ZNF609: variants seen among roughly 807,000 people sequenced by gnomAD.
The protein encoded by ZNF609 is zinc finger protein 609.
ZNF609 carries 11 observed loss-of-function variants against 109.5 expected under a neutral mutation model. That is an observed-to-expected ratio of 0.10 (90% CI 0.06 to 0.17). The LOEUF (loss-of-function observed/expected upper bound fraction) is 0.17, where lower values mean the gene tolerates loss of function less well. Ranked by LOEUF, ZNF609 falls within the 10% of genes least tolerant of loss-of-function variation. The pLI, the probability that ZNF609 is intolerant of heterozygous loss-of-function variation, is 1.00. For missense variants in ZNF609, 1,559 were observed against 1,772.4 expected, an observed-to-expected ratio of 0.88 and a Z score of 2.16; for synonymous variants, 646 against 662.0, an observed-to-expected ratio of 0.98 and a Z score of 0.37.
chr15:64,550,543 A>G (rs553935137), intron 2 of ZNF609, among the ~76,000 whole-genome samples: 1 of 144,726 alleles, frequency 6.9e-6, no homozygotes, highest in Non-Finnish European at 1.5e-5. Context: ...ATAAATAATT[A>G]AAAAAAAAAA....
chr15:64,681,204 CTGAG>C (rs1230597797), intron 8 of ZNF609, 101 bp from the exon 9 acceptor site: 6 of 971,244 alleles, frequency 6.2e-6, no homozygotes, highest in Admixed American at 6.0e-5. Context: ...ATATATCTGG[CTGAG>C]TATCAGATTT....
At chr15:64,633,840 C>T (rs907305362) in intron 3 of ZNF609, among the ~76,000 whole-genome samples, 6 of 151,498 alleles carry the variant, frequency 4.0e-5, no homozygotes, top group African/African-American at 1.5e-4. Flanking sequence ...GAGATAGTGC[C>T]ACTGCGCTCC....
intron 1 of ZNF609, among the ~76,000 whole-genome samples, chr15:64,466,638 A>G (rs921200258): frequency 1.2e-4 from 19 of 152,360 alleles, no homozygotes; most frequent in Admixed American, 3.3e-4. Context: ...GTGGAAGTCT[A>G]GCGACAGCAG....
chr15:64,536,330 G>A (rs896991076), intron 2 of ZNF609, among the ~76,000 whole-genome samples: 18 of 152,120 alleles, frequency 1.2e-4, no homozygotes, highest in African/African-American at 4.3e-4. Flanking sequence ...CCTATGGCAT[G>A]ATTTTAGAAG....
In ZNF609 at chr15:64,499,973, T is replaced by G. The variant is rs764206103; in HGVS notation, c.554T>G (p.Val185Gly). ...VGTCSEKDPG[V>G]LQPVPLGGRG... is the part of the protein sequence containing the mutation. ...ACTTGTTCAGAAAAGGATCCTGGGGTCCTCCAGCCAGTTCCCTTGGGAGGA... is the reference window on the plus strand; with the variant it reads ...ACTTGTTCAGAAAAGGATCCTGGGGGCCTCCAGCCAGTTCCCTTGGGAGGA... Residue 185 changes from valine (V) to glycine (G), a missense_variant, in exon 2 of 10, where the codon GTC becomes GGC. Transcript: ENST00000326648. The G allele has an allele frequency of 6.2e-7, 1 of 1,613,368 alleles. No individual in the cohort carries two copies. The highest frequency in any genetic ancestry group is 8.5e-7 in the Non-Finnish European group (1 of 1,179,824).
At chr15:64,640,392 GCTTT>G (rs1472823089) in intron 3 of ZNF609, among the ~76,000 whole-genome samples, 6 of 151,102 alleles carry the variant, frequency 4.0e-5, no homozygotes, top group Admixed American at 2.0e-4. Flanking sequence ...ATACACTTGT[GCTTT>G]CTTTTTTTTT....
chr15:64,543,196 T>C (rs1005757893), intron 2 of ZNF609, among the ~76,000 whole-genome samples: 1 of 151,416 alleles, frequency 6.6e-6, no homozygotes, highest in African/African-American at 2.4e-5. Flanking sequence ...AATTCCAGTC[T>C]CTTAATTTTA....
At position 64,604,605 on chromosome 15, in the gene ZNF609, A is replaced by G. The variant is rs993592499; in HGVS notation, c.748-18222A>G. ...CAGTGACTAAATAAAATGTATGCAT[A>G]TAAATTTGTGGGTAATGTAGTGGTC... On this transcript the variant is annotated intron_variant, in intron 2 of 9. Transcript: ENST00000326648. Among the ~76,000 whole-genome samples, 6 of 152,302 alleles carry G rather than the reference A, an allele frequency of 3.9e-5. No individual in the cohort carries two copies. In the East Asian group the frequency reaches 5.8e-4, roughly 15 times the overall value.
At position 64,492,903 on chromosome 15, in the gene ZNF609, A is replaced by G. The variant is rs551221752; in HGVS notation, c.-127-6390A>G. On this transcript the variant is annotated intron_variant, in intron 1 of 9. Transcript: ENST00000326648. Reference sequence around the variant, plus strand: ...TTGAGTATAGCATTTTTTCTTTGGCATGCAGGTTTTGGAGGGGAATACCTA... The same window carrying G: ...TTGAGTATAGCATTTTTTCTTTGGCGTGCAGGTTTTGGAGGGGAATACCTA... 9.7e-4 allele frequency among the ~76,000 whole-genome samples: 148 copies of G among 152,282 alleles called. 1 individual carries two copies. Among genetic ancestry groups the G allele is most frequent in the African/African-American group, 3.4e-3 (141 of 41,568 alleles).
At chr15:64,619,729 A>G (rs1267377667) in intron 2 of ZNF609, among the ~76,000 whole-genome samples, 3 of 152,182 alleles carry the variant, frequency 2.0e-5, no homozygotes, top group Non-Finnish European at 4.4e-5. Flanking sequence ...TGAGTTCCTC[A>G]TGTGTATGAG....
At chr15:64,461,530 C>G (rs1295908752) in intron 1 of ZNF609, among the ~76,000 whole-genome samples, 1 of 152,100 alleles carries the variant, frequency 6.6e-6, no homozygotes, top group Admixed American at 6.5e-5. Context: ...GTGCTTTGCT[C>G]AGATTCTCCT....
chr15:64,663,504 A>G (rs565841754), intron 3 of ZNF609, among the ~76,000 whole-genome samples: 3 of 152,288 alleles, frequency 2.0e-5, no homozygotes, highest in Admixed American at 6.5e-5. Context: ...TAGACGTCCA[A>G]TGGAAATGTC....
At chr15:64,461,244 T>C (rs111246001) in intron 1 of ZNF609, among the ~76,000 whole-genome samples, 1 of 41,232 alleles carries the variant, frequency 2.4e-5, no homozygotes, top group Middle Eastern at 0.016. Context: ...CGGTGGTGGT[T>C]GTTCAGAGCA....
intron 3 of ZNF609, among the ~76,000 whole-genome samples, chr15:64,666,669 G>A (rs561374808): frequency 5.3e-5 from 8 of 151,504 alleles, no homozygotes; most frequent in African/African-American, 1.9e-4. Context: ...CCACCACCAC[G>A]CCCAGCTAAT....
chr15:64,488,861 G>A (rs1211747037), intron 1 of ZNF609, among the ~76,000 whole-genome samples: 2 of 151,686 alleles, frequency 1.3e-5, no homozygotes, highest in Admixed American at 1.3e-4. Flanking sequence ...TCTCTTGAAC[G>A]CAGGAGTTTG....
intron 2 of ZNF609, among the ~76,000 whole-genome samples, chr15:64,577,059 T>TAA (rs1767550691): frequency 2.7e-5 from 3 of 110,910 alleles, no homozygotes; most frequent in Admixed American, 9.6e-5. Flanking sequence ...AATATATACA[T>TAA]ATATGTATAT....
chr15:64,565,250 T>TTATTATTATTATTATTAC (rs1444463932), intron 2 of ZNF609, among the ~76,000 whole-genome samples: 1 of 147,914 alleles, frequency 6.8e-6, no homozygotes, highest in South Asian at 2.1e-4. Flanking sequence ...ATTATTATTA[T>TTATTATTATTATTATTAC]TACTATTTTT....
intron 2 of ZNF609, among the ~76,000 whole-genome samples, chr15:64,600,449 C>CAA (rs60948226): frequency 2.4e-4 from 13 of 53,764 alleles, no homozygotes; most frequent in East Asian, 1.2e-3. Context: ...GGCTGTGTCT[C>CAA]AAAAAAAAAA....
At position 64,674,924 on chromosome 15, in the gene ZNF609, A is replaced by T; in HGVS notation, c.2070A>T (p.Thr690=). The T allele has an allele frequency of 6.2e-7, 1 of 1,614,010 alleles. No homozygotes were observed. Among genetic ancestry groups the T allele is most frequent in the Non-Finnish European group, 8.5e-7 (1 of 1,180,018 alleles). ...SPGSSSGLTA[T]VAQAMPNSPQ... ...GCTCTTCCTCAGGCTTGACCGCCAC[A>T]GTGGCACAAGCCATGCCCAACAGTC... Residue 690 remains threonine (T), a synonymous_variant, in exon 5 of 10, where the codon ACA becomes ACT. Transcript: ENST00000326648.
Sources: gnomAD v4.1 joint callset for allele counts (sites outside exome capture counted in the v4.1 genomes callset) on GRCh38, gnomAD v4.1.1 for gene constraint, MANE v1.5 for transcripts, NCBI Gene and HGNC (gene_info 2026-07-23, HGNC 2026-07-21) for gene names.